Variants in HS6ST3 observed in about 807,000 individuals in gnomAD.
The protein encoded by HS6ST3 is heparan-sulfate 6-O-sulfotransferase 3.
A neutral mutation model predicts 36.7 loss-of-function variants in HS6ST3; 12 were observed. The ratio of observed to expected loss-of-function variants is 0.33; its 90% CI spans 0.21 to 0.53. The LOEUF (loss-of-function observed/expected upper bound fraction) is 0.53. Ranked by LOEUF, HS6ST3 falls within the 20% of genes least tolerant of loss-of-function variation. The pLI is 0.95. For synonymous variants in HS6ST3, 240 were observed against 257.5 expected (o/e 0.93, Z 0.65); for missense variants, 584 against 640.9 (o/e 0.91, Z 0.96).
chr13:96,577,762 A>G (rs1202149797), intron 1 of HS6ST3, among the ~76,000 whole-genome samples: 1 of 152,236 alleles, frequency 6.6e-6, no homozygotes, highest in Non-Finnish European at 1.5e-5. Context: ...ACTGGTCATT[A>G]GAGAAATGCA....
chr13:96,347,758 C>T (rs879475105), intron 1 of HS6ST3, among the ~76,000 whole-genome samples: 3 of 152,190 alleles, frequency 2.0e-5, no homozygotes, highest in Non-Finnish European at 4.4e-5. Context: ...TTTCTTTTCT[C>T]AATCACCTAT....
chr13:96,594,663 G>C (rs998027217), intron 1 of HS6ST3, among the ~76,000 whole-genome samples: 1 of 151,868 alleles, frequency 6.6e-6, no homozygotes, highest in Non-Finnish European at 1.5e-5. Context: ...GATTTATATT[G>C]TTTTGTATTT....
chr13:96,112,621 A>ATATATATATATG (rs2053875989), intron 1 of HS6ST3, among the ~76,000 whole-genome samples: 1 of 131,214 alleles, frequency 7.6e-6, no homozygotes, highest in Non-Finnish European at 1.6e-5. Context: ...ATATATATAT[A>ATATATATATATG]TGCCCGGCTG....
At chr13:96,301,482 G>T (rs566076380) in intron 1 of HS6ST3, among the ~76,000 whole-genome samples, 2 of 152,286 alleles carry the variant, frequency 1.3e-5, no homozygotes, top group South Asian at 2.1e-4. Context: ...AAAGACTGGG[G>T]TACTGGTCCT....
chr13:96,656,706 G>A (rs1594828912), intron 1 of HS6ST3, among the ~76,000 whole-genome samples: 1 of 152,106 alleles, frequency 6.6e-6, no homozygotes. Context: ...AAAAACGATG[G>A]CATAGGAATC....
intron 1 of HS6ST3, among the ~76,000 whole-genome samples, chr13:96,731,275 C>G (rs1056381948): frequency 1.6e-4 from 25 of 152,136 alleles, no homozygotes; most frequent in African/African-American, 5.3e-4. Flanking sequence ...GGGTAACCAC[C>G]ATTCAACTAT....
At chr13:96,250,669 G>A (rs926503680) in intron 1 of HS6ST3, among the ~76,000 whole-genome samples, 42 of 152,224 alleles carry the variant, frequency 2.8e-4, no homozygotes, top group African/African-American at 9.4e-4. Flanking sequence ...CCAAGTTTAT[G>A]GTAATCTGTT....
intron 1 of HS6ST3, among the ~76,000 whole-genome samples, chr13:96,699,387 C>G (rs1050288247): frequency 6.6e-6 from 1 of 152,168 alleles, no homozygotes. Context: ...CTACAATGAA[C>G]TCAAACAAAT....
intron 1 of HS6ST3, among the ~76,000 whole-genome samples, chr13:96,372,518 G>T (rs1277809159): frequency 6.6e-6 from 1 of 151,876 alleles, no homozygotes; most frequent in Non-Finnish European, 1.5e-5. Context: ...TGCTTTTGTT[G>T]CCTGTGCTTT....
rs11839345 is a variant in HS6ST3 at position 96,402,755 on chromosome 13, C to T, written c.707+311186C>T. Among the ~76,000 whole-genome samples, 471 of 152,258 alleles carry T rather than the reference C, an allele frequency of 3.1e-3. 4 individuals carry two copies. The highest frequency in any genetic ancestry group is 0.011 in the African/African-American group (453 of 41,532). ...ATGTGGTTGTGTCAGTAGTTTAATC[C>T]TTTTCATTGCTGAGTGGTGTTCCAT... On this transcript the variant is annotated intron_variant, in intron 1 of 1. Coordinates refer to ENST00000376705, the MANE Select transcript of HS6ST3 (RefSeq NM_153456.4).
intron 1 of HS6ST3, among the ~76,000 whole-genome samples, chr13:96,814,749 T>C (rs370938456): frequency 3.3e-5 from 5 of 152,162 alleles, no homozygotes; most frequent in African/African-American, 1.2e-4. Flanking sequence ...GGGTCCCCAC[T>C]ATTTGTCTTA....
At chr13:96,580,926 GA>G (rs2056339797) in intron 1 of HS6ST3, among the ~76,000 whole-genome samples, 3 of 151,954 alleles carry the variant, frequency 2.0e-5, no homozygotes, top group Admixed American at 2.0e-4. Context: ...TAAGAAGTAA[GA>G]AAAAAATAAT....
Position 96,821,617 on chromosome 13 carries a change from A to G in HS6ST3, c.708-10873A>G, listed in dbSNP as rs1003636676. On this transcript the variant is annotated intron_variant, in intron 1 of 1. Coordinates refer to ENST00000376705, the MANE Select transcript of HS6ST3 (RefSeq NM_153456.4). ...TTATTGTTATTCATATCAGTTTTTCACTGCACATGGAACATTCCATATTTT... is the reference window on the plus strand; with the variant it reads ...TTATTGTTATTCATATCAGTTTTTCGCTGCACATGGAACATTCCATATTTT... 2.0e-5 allele frequency among the ~76,000 whole-genome samples: 3 copies of G among 152,360 alleles called. No individual in the cohort carries two copies. The South Asian group carries it at 6.2e-4, about 32-fold the overall frequency.
Position 96,090,306 on chromosome 13 carries a change from A to G in HS6ST3, c.-557A>G, listed in dbSNP as rs1594671894. Among the ~76,000 whole-genome samples, 1 of 149,178 alleles carries G rather than the reference A, an allele frequency of 6.7e-6. No homozygotes were observed. The highest frequency in any genetic ancestry group is 1.5e-5 in the Non-Finnish European group (1 of 67,084). On this transcript the variant is annotated 5_prime_UTR_variant, in exon 1 of 2. Coordinates refer to ENST00000376705, the MANE Select transcript of HS6ST3 (RefSeq NM_153456.4). Reference sequence around the variant, plus strand: ...GCGCCGTCAGCCCTCGCGGCTCCACAGCCCCGCGACCTGCCGGCAAAGGCG... The same window carrying G: ...GCGCCGTCAGCCCTCGCGGCTCCACGGCCCCGCGACCTGCCGGCAAAGGCG...
intron 1 of HS6ST3, among the ~76,000 whole-genome samples, chr13:96,331,245 G>A (rs2139420724): frequency 6.6e-6 from 1 of 152,314 alleles, no homozygotes; most frequent in Non-Finnish European, 1.5e-5. Flanking sequence ...CTTTGGAGGA[G>A]GAGAGGTGCT....
At chr13:96,751,041 T>A (rs1229666228) in intron 1 of HS6ST3, among the ~76,000 whole-genome samples, 2 of 152,224 alleles carry the variant, frequency 1.3e-5, no homozygotes, top group Admixed American at 6.5e-5. Context: ...ATCTACATAT[T>A]TGCATTAAGA....
intron 1 of HS6ST3, among the ~76,000 whole-genome samples, chr13:96,734,685 A>G (rs1876239018): frequency 6.6e-6 from 1 of 152,196 alleles, no homozygotes; most frequent in African/African-American, 2.4e-5. Flanking sequence ...CTCTCCATCA[A>G]TCAGTGTTAT....
chr13:96,312,700 C>T (rs2054947518), intron 1 of HS6ST3, among the ~76,000 whole-genome samples: 1 of 151,914 alleles, frequency 6.6e-6, no homozygotes, highest in African/African-American at 2.4e-5. Flanking sequence ...GCCTGTAATC[C>T]TAGCACTTTG....
At chr13:96,251,833 G>C (rs1046710427) in intron 1 of HS6ST3, among the ~76,000 whole-genome samples, 4 of 152,050 alleles carry the variant, frequency 2.6e-5, no homozygotes, top group Non-Finnish European at 5.9e-5. Flanking sequence ...GTTCCGGAGT[G>C]TGTTGCTTAA....
Sources: allele counts gnomAD v4.1 joint callset (sites outside exome capture counted in the v4.1 genomes callset), GRCh38; gene constraint gnomAD v4.1.1; transcripts MANE v1.5; gene names NCBI Gene and HGNC (gene_info 2026-07-23, HGNC 2026-07-21).